Variants in SUPT3H observed in about 807,000 individuals in gnomAD.
SUPT3H encodes transcription initiation protein SPT3 homolog.
Under a neutral mutation model 44.3 loss-of-function variants are expected in SUPT3H, and 44 were observed. That is an observed-to-expected ratio of 0.99 (90% confidence interval 0.78 to 1.28). The LOEUF is 1.28. Ranked by LOEUF, SUPT3H falls within the 50% of genes most tolerant of loss-of-function variation. The pLI is 0.00. For synonymous variants in SUPT3H, 124 were observed against 125.6 expected (o/e 0.99, Z 0.09); for missense variants, 380 against 387.1 (o/e 0.98, Z 0.15).
rs1468874534 is a variant in SUPT3H, at chr6:44,829,251, AAGTGG to A, written c.*560_*564del. 1 of 152,248 alleles carries A rather than the reference AAGTGG, an allele frequency of 6.6e-6. No homozygotes were observed. The highest frequency in any genetic ancestry group is 1.5e-5 in the Non-Finnish European group (1 of 68,118). The allele number at this position is 152,248 out of a possible 1,614,324, so 9.4% of individuals were successfully genotyped here. A position where few individuals can be genotyped will look rare whatever the true frequency, so the allele number is the denominator to read the frequency against. On this transcript the variant is annotated 3_prime_UTR_variant, in exon 11 of 11. Coordinates refer to ENST00000371459, the MANE Select transcript of SUPT3H (RefSeq NM_003599.4). ...AGGCATTGAAAATGACACATACTAT[AAGTGG>A]AGTGAAGGGGAAAGGAGGTGGGAAC...
intron 2 of SUPT3H, among the ~76,000 whole-genome samples, chr6:45,268,959 A>C (rs146911204): frequency 6.6e-6 from 1 of 152,192 alleles, no homozygotes; most frequent in Non-Finnish European, 1.5e-5. Context: ...GTCTTCAAAA[A>C]GATGGTGTCA....
At chr6:45,286,128 A>G (rs1259447496) in intron 2 of SUPT3H, among the ~76,000 whole-genome samples, 1 of 151,810 alleles carries the variant, frequency 6.6e-6, no homozygotes, top group African/African-American at 2.4e-5. Context: ...TGTTAGCCCT[A>G]AAACCATAAA....
At chr6:44,937,368 C>T (rs1013646893) in intron 9 of SUPT3H, among the ~76,000 whole-genome samples, 7 of 151,976 alleles carry the variant, frequency 4.6e-5, no homozygotes, top group Non-Finnish European at 1.0e-4. Context: ...ATGGCACTTG[C>T]CTGTAATCCC....
intron 2 of SUPT3H, among the ~76,000 whole-genome samples, chr6:45,233,901 T>C (rs994988657): frequency 6.6e-6 from 1 of 152,184 alleles, no homozygotes; most frequent in Non-Finnish European, 1.5e-5. Context: ...ATAAATTACC[T>C]TAAAAATAGA....
intron 3 of SUPT3H, among the ~76,000 whole-genome samples, chr6:45,050,878 A>ATTTT (rs35575281): frequency 3.7e-4 from 32 of 86,154 alleles, no homozygotes; most frequent in African/African-American, 5.2e-4. Context: ...AGGGTATGGG[A>ATTTT]TTTTTTTTTT....
intron 6 of SUPT3H, among the ~76,000 whole-genome samples, chr6:44,983,634 G>A (rs1293188936): frequency 6.6e-6 from 1 of 152,272 alleles, no homozygotes; most frequent in Admixed American, 6.5e-5. Context: ...TGGACTTGGG[G>A]TTTTGACATA....
At chr6:44,811,625 G>T (rs779318968) in intron 11 of SUPT3H, among the ~76,000 whole-genome samples, 1 of 152,248 alleles carries the variant, frequency 6.6e-6, no homozygotes, top group Non-Finnish European at 1.5e-5. Flanking sequence ...AGAAGGCACA[G>T]AAATGCTGAC....
chr6:45,281,320 G>T (rs139733673), intron 2 of SUPT3H, among the ~76,000 whole-genome samples: 4 of 152,342 alleles, frequency 2.6e-5, no homozygotes, highest in African/African-American at 9.6e-5. Flanking sequence ...AGCGCAAGGG[G>T]TCAGGGAATT....
At chr6:45,185,271 A>C (rs1218039261) in intron 2 of SUPT3H, among the ~76,000 whole-genome samples, 1 of 152,170 alleles carries the variant, frequency 6.6e-6, no homozygotes, top group African/African-American at 2.4e-5. Flanking sequence ...GACGCAGGAA[A>C]GAGTTGAGCC....
rs192981010 is a variant in SUPT3H, at chr6:45,321,963, T to C, written c.101+43238A>G. On this transcript the variant is annotated intron_variant, in intron 2 of 10. Transcript: ENST00000371459. ...TAAATAAATACCTAAGAAATATTCA[T>C]TAATCATCAAGTAAAAAGTCTTGTG... is the stretch of plus-strand genomic sequence containing the variant. The C allele has an allele frequency of 2.0e-4, 182 of 914,146 alleles. No individual in the cohort carries two copies. In the Admixed American group the frequency reaches 4.5e-3, roughly 23 times the overall value. The allele number at this position is 914,146 out of a possible 1,614,324, so 56.6% of individuals were successfully genotyped here. A position where few individuals can be genotyped will look rare whatever the true frequency, so the allele number is the denominator to read the frequency against.
intron 10 of SUPT3H, among the ~76,000 whole-genome samples, chr6:44,849,495 G>T (rs1772511950): frequency 6.6e-6 from 1 of 151,972 alleles, no homozygotes; most frequent in Non-Finnish European, 1.5e-5. Flanking sequence ...CCAAAGTGCT[G>T]GGATTACAGG....
chr6:44,883,012 C>T (rs1469202832), intron 10 of SUPT3H, among the ~76,000 whole-genome samples: 1 of 152,154 alleles, frequency 6.6e-6, no homozygotes, highest in African/African-American at 2.4e-5. Context: ...TCCTATTCAA[C>T]ACAGTATTTG....
chr6:45,203,315 T>C (rs1762714175), intron 2 of SUPT3H, among the ~76,000 whole-genome samples: 1 of 152,062 alleles, frequency 6.6e-6, no homozygotes. Context: ...TAAGCTGTCA[T>C]CAATGATACT....
intron 3 of SUPT3H, among the ~76,000 whole-genome samples, chr6:45,021,018 T>C (rs1305688481): frequency 1.3e-5 from 2 of 151,832 alleles, no homozygotes; most frequent in African/African-American, 4.8e-5. Context: ...TAATCTGAGC[T>C]CCCATGCTGC....
intron 2 of SUPT3H, among the ~76,000 whole-genome samples, chr6:45,198,602 A>C (rs1242355308): frequency 6.6e-6 from 1 of 151,418 alleles, no homozygotes; most frequent in African/African-American, 2.4e-5. Context: ...ACAATGAATC[A>C]ATGTCTCATC....
At chr6:45,063,200 C>G (rs574056899) in intron 3 of SUPT3H, among the ~76,000 whole-genome samples, 2 of 144,678 alleles carry the variant, frequency 1.4e-5, no homozygotes, top group Non-Finnish European at 3.0e-5. Flanking sequence ...AGCAGGGGCA[C>G]ACTGACACCT....
chr6:44,830,707 T>C (rs1325439668), intron 10 of SUPT3H, among the ~76,000 whole-genome samples: 2 of 152,056 alleles, frequency 1.3e-5, no homozygotes, highest in Non-Finnish European at 2.9e-5. Flanking sequence ...TGGCACATTT[T>C]TAATCATTTA....
intron 2 of SUPT3H, among the ~76,000 whole-genome samples, chr6:45,315,405 A>T (rs1784531478): frequency 6.6e-6 from 1 of 152,180 alleles, no homozygotes; most frequent in Non-Finnish European, 1.5e-5. Context: ...TAATATCTAG[A>T]ATCTACAACA....
intron 2 of SUPT3H, among the ~76,000 whole-genome samples, chr6:45,184,248 G>A (rs1275162036): frequency 2.0e-5 from 3 of 152,026 alleles, no homozygotes; most frequent in African/African-American, 7.2e-5. Flanking sequence ...TGTAATTAAC[G>A]CCTCTGAAGT....
Sources: gnomAD v4.1 joint callset for allele counts (sites outside exome capture counted in the v4.1 genomes callset) on GRCh38, gnomAD v4.1.1 for gene constraint, MANE v1.5 for transcripts, NCBI Gene and HGNC (gene_info 2026-07-23, HGNC 2026-07-21) for gene names.